MROH9: variants seen among roughly 807,000 people sequenced by gnomAD.
MROH9 encodes maestro heat-like repeat-containing protein family member 9.
MROH9 carries 92 observed loss-of-function variants against 98.2 expected under a neutral mutation model. The observed-to-expected ratio is 0.94, with a 90% CI of 0.79 to 1.11. The LOEUF is 1.11. Ranked by LOEUF, MROH9 falls within the 50% of genes most tolerant of loss-of-function variation. The probability of loss-of-function intolerance (pLI) is 0.00; values close to 1 mark genes in which losing one functional copy is unlikely to be tolerated. For missense variants in MROH9, 1,057 were observed against 1,014.8 expected, an observed-to-expected ratio of 1.04 and a Z score of -0.57; for synonymous variants, 397 against 368.9, an observed-to-expected ratio of 1.08 and a Z score of -0.87.
intron 20 of MROH9, among the ~76,000 whole-genome samples, chr1:171,059,838 A>G (rs1176254952): frequency 6.6e-6 from 1 of 152,122 alleles, no homozygotes; most frequent in Non-Finnish European, 1.5e-5. Flanking sequence ...ATGAGAACAC[A>G]TGGACACAGG....
intron 15 of MROH9, among the ~76,000 whole-genome samples, chr1:171,011,187 G>A (rs1652144900): frequency 6.6e-6 from 1 of 152,126 alleles, no homozygotes; most frequent in Non-Finnish European, 1.5e-5. Context: ...ACTAAATGTA[G>A]AAAGAATGCT....
intron 15 of MROH9, among the ~76,000 whole-genome samples, chr1:171,010,426 A>G: frequency 6.6e-6 from 1 of 152,214 alleles, no homozygotes; most frequent in Admixed American, 6.5e-5. Flanking sequence ...GAGTAGAATG[A>G]CTTATAATCC....
chr1:171,013,083 C>A (rs1652215067), intron 15 of MROH9, among the ~76,000 whole-genome samples: 1 of 152,164 alleles, frequency 6.6e-6, no homozygotes, highest in Non-Finnish European at 1.5e-5. Flanking sequence ...CATGGTTCAC[C>A]ATCCTTGAAG....
At chr1:170,960,807 T>C (rs1197740150) in intron 5 of MROH9, among the ~76,000 whole-genome samples, 1 of 152,124 alleles carries the variant, frequency 6.6e-6, no homozygotes, top group East Asian at 1.9e-4. Context: ...TTTGTTTTGT[T>C]TTATAGAGAT....
rs534478561 is a variant in MROH9 at position 171,050,020 on chromosome 1, G to A, written c.2282-12112G>A. On this transcript the variant is annotated intron_variant, in intron 20 of 21. Transcript: ENST00000367759. Reference sequence around the variant, plus strand: ...ATTGAGTTGTTTGAATTTTTTTGTAGATTCTGAATATTAATTCTTTGTCAA... The same window carrying A: ...ATTGAGTTGTTTGAATTTTTTTGTAAATTCTGAATATTAATTCTTTGTCAA... Among the ~76,000 whole-genome samples the A allele has an allele frequency of 3.9e-5, 6 of 152,202 alleles. 1 individual carries two copies. In the South Asian group the frequency reaches 6.2e-4, roughly 16 times the overall value.
intron 13 of MROH9, 36 bp from the exon 14 acceptor site, chr1:170,996,471 G>T (rs372427615): frequency 6.2e-7 from 1 of 1,605,426 alleles, no homozygotes; most frequent in Non-Finnish European, 8.5e-7. Flanking sequence ...GAATATCACC[G>T]GCATGTGATG....
rs2101802863 is a variant in MROH9 at position 170,986,573 on chromosome 1, A to C, written c.742A>C (p.Thr248Pro). 1.2e-6 allele frequency: 2 copies of C among 1,613,340 alleles called. No homozygotes were observed. The highest frequency in any genetic ancestry group is 1.7e-6 in the Non-Finnish European group (2 of 1,179,688). Residue 248 changes from threonine (T) to proline (P), a missense_variant, in exon 10 of 22, where the codon ACC becomes CCC. Physicochemically the swap from Thr to Pro is conservative, Grantham distance 38 (BLOSUM62 -1). Transcript: ENST00000367759. ...TTTGTGGTTGCAGAGAGTAGGGCAA[A>C]CCTTACTGCCTCCCTTGCTGACTGA... ...ESKIAQRVGQ[T>P]LLPPLLTDFV...
chr1:170,981,504 A>T (rs866289165), intron 8 of MROH9, among the ~76,000 whole-genome samples: 4 of 152,138 alleles, frequency 2.6e-5, no homozygotes, highest in African/African-American at 4.8e-5. Context: ...GCAAACTAAC[A>T]CAGGAACAGA....
intron 20 of MROH9, among the ~76,000 whole-genome samples, chr1:171,037,636 A>G (rs1359980008): frequency 6.6e-6 from 1 of 152,060 alleles, no homozygotes; most frequent in Non-Finnish European, 1.5e-5. Flanking sequence ...AAAAGTTAGC[A>G]TGCAAGAATA....
chr1:171,064,387 A>G lies in MROH9; in HGVS notation c.*47A>G. The G allele has an allele frequency of 1.4e-6, 2 of 1,479,952 alleles. No individual in the cohort carries two copies. The highest frequency in any genetic ancestry group is 1.8e-6 in the Non-Finnish European group (2 of 1,117,288). The allele number at this position is 1,479,952 out of a possible 1,614,324, so 91.7% of individuals were successfully genotyped here. A position where few individuals can be genotyped will look rare whatever the true frequency, so the allele number is the denominator to read the frequency against. ...ATCATTCATAAACAATGGGAAGTCC[A>G]ACAATGTCTTGGAGCTGACCTTAGA... On this transcript the variant is annotated 3_prime_UTR_variant, in exon 22 of 22. Coordinates refer to ENST00000367759, the MANE Select transcript of MROH9 (RefSeq NM_001163629.2).
chr1:171,040,752 T>C (rs1215730139), intron 20 of MROH9, among the ~76,000 whole-genome samples: 2 of 151,828 alleles, frequency 1.3e-5, no homozygotes, highest in Non-Finnish European at 2.9e-5. Context: ...CTCAGGAGAG[T>C]GTCTAGCATA....
intron 14 of MROH9, among the ~76,000 whole-genome samples, chr1:170,997,032 A>G (rs1651607547): frequency 6.6e-6 from 1 of 152,180 alleles, no homozygotes; most frequent in Non-Finnish European, 1.5e-5. Flanking sequence ...TATACTCAAC[A>G]AGCCAAATAA....
chr1:171,054,644 G>A (rs1653771879), intron 20 of MROH9, among the ~76,000 whole-genome samples: 1 of 151,954 alleles, frequency 6.6e-6, no homozygotes, highest in Non-Finnish European at 1.5e-5. Context: ...AATCTACAAG[G>A]AACTCAAATC....
intron 20 of MROH9, among the ~76,000 whole-genome samples, chr1:171,029,983 G>T (rs182766925): frequency 6.6e-6 from 1 of 152,220 alleles, no homozygotes; most frequent in Admixed American, 6.5e-5. Flanking sequence ...ACTTGTTATT[G>T]GTCTATTGAG....
At chr1:170,992,929 C>T (rs1456085725) in intron 12 of MROH9, among the ~76,000 whole-genome samples, 1 of 152,126 alleles carries the variant, frequency 6.6e-6, no homozygotes, top group Non-Finnish European at 1.5e-5. Flanking sequence ...ATTTTATTCT[C>T]CTGAAAACCA....
intron 20 of MROH9, among the ~76,000 whole-genome samples, chr1:171,043,961 C>A (rs1653384727): frequency 6.6e-6 from 1 of 152,068 alleles, no homozygotes; most frequent in African/African-American, 2.4e-5. Flanking sequence ...TCCTTTATAT[C>A]TTTCTCTTAT....
At chr1:170,956,898 G>T (rs1649784078) in intron 3 of MROH9, among the ~76,000 whole-genome samples, 1 of 152,062 alleles carries the variant, frequency 6.6e-6, no homozygotes, top group Admixed American at 6.5e-5. Context: ...TGTTGAAGAG[G>T]AGTGGTGAGA....
chr1:170,995,294 G>A, intron 12 of MROH9, 95 bp from the exon 13 acceptor site: 1 of 1,345,802 alleles, frequency 7.4e-7, no homozygotes, highest in Non-Finnish European at 1.0e-6. Context: ...GCTGAAGGAG[G>A]GGTTGCAGAG....
intron 21 of MROH9, among the ~76,000 whole-genome samples, chr1:171,062,855 A>G (rs1340458626): frequency 6.6e-6 from 1 of 152,164 alleles, no homozygotes; most frequent in African/African-American, 2.4e-5. Flanking sequence ...CTGCAGGTAC[A>G]GGGACTTCCC....
Sources: allele counts gnomAD v4.1 joint callset (sites outside exome capture counted in the v4.1 genomes callset), GRCh38; gene constraint gnomAD v4.1.1; transcripts MANE v1.5; gene names NCBI Gene and HGNC (gene_info 2026-07-23, HGNC 2026-07-21).